The following COL6A6 variants were observed in gnomAD, a reference collection of about 807,000 sequenced individuals.
COL6A6 encodes the protein collagen type VI alpha 6 chain, also known as collagen alpha-6(VI) chain.
COL6A6 carries 183 observed loss-of-function variants against 208.6 expected under a neutral mutation model. The ratio of observed to expected loss-of-function variants is 0.88; its 90% CI spans 0.78 to 0.99. The LOEUF (loss-of-function observed/expected upper bound fraction) is 0.99, where lower values mean the gene tolerates loss of function less well. COL6A6 is among the 50% of genes least tolerant of loss of function. COL6A6 has a pLI of 0.00. For missense variants in COL6A6, 2,816 were observed against 2,815.2 expected, an observed-to-expected ratio of 1.00 and a Z score of -0.01; for synonymous variants, 973 against 1,011.8, an observed-to-expected ratio of 0.96 and a Z score of 0.73.
chr3:130,620,787 A>G (rs1052693876), intron 23 of COL6A6, among the ~76,000 whole-genome samples: 9 of 152,216 alleles, frequency 5.9e-5, no homozygotes, highest in African/African-American at 2.2e-4. Context: ...ATAAATTTGC[A>G]AGTGTCATGC....
rs750673214 is a variant in COL6A6 at position 130,658,755 on chromosome 3, G to A, written c.5813G>A (p.Arg1938Gln). 8.1e-6 allele frequency: 13 copies of A among 1,611,638 alleles called. No individual in the cohort carries two copies. The highest frequency in any genetic ancestry group is 5.0e-5 in the Admixed American group (3 of 59,834). Reference sequence around the variant, plus strand: ...ATACCAGCATTAGAGAGACTCCAGCGGTGCACTTTCTGCTATGGTAAGACC... The same window carrying A: ...ATACCAGCATTAGAGAGACTCCAGCAGTGCACTTTCTGCTATGGTAAGACC... ...DYIPALERLQ[R>Q]CTFCYDVCKP... The change falls in exon 34 of 37, where the codon CGG becomes CAG. Residue 1938 changes from arginine (R) to glutamine (Q), a missense_variant. Arg to Gln is a conservative substitution (Grantham distance 43, BLOSUM62 1). Transcript: ENST00000358511.
chr3:130,622,285 C>T (rs1208254127), intron 24 of COL6A6, among the ~76,000 whole-genome samples: 4 of 144,398 alleles, frequency 2.8e-5, no homozygotes, highest in African/African-American at 5.1e-5. Flanking sequence ...CTGTACTGAG[C>T]GTTCGGTTGG....
At chr3:130,593,995 A>G (rs2063784589) in intron 17 of COL6A6, among the ~76,000 whole-genome samples, 1 of 152,216 alleles carries the variant, frequency 6.6e-6, no homozygotes, top group Non-Finnish European at 1.5e-5. Context: ...GCCTTATAAA[A>G]GAAAGATAAT....
chr3:130,545,563 C>T lies in COL6A6; in HGVS notation c.-31-14771C>T, dbSNP rs2062475062. Among the ~76,000 whole-genome samples the T allele has an allele frequency of 2.6e-5, 4 of 151,802 alleles. No individual in the cohort carries two copies. In the South Asian group the frequency reaches 8.3e-4, roughly 32 times the overall value. On this transcript the variant is annotated intron_variant, in intron 1 of 36. Transcript: ENST00000358511. ...CCGCCTCCCGGATTCAAGTGATTCT[C>T]CTGCCTCAGCCTCCTGAGTAGCTGG...
At chr3:130,534,442 C>A (rs2107719854) in intron 1 of COL6A6, among the ~76,000 whole-genome samples, 1 of 152,206 alleles carries the variant, frequency 6.6e-6, no homozygotes, top group Admixed American at 6.5e-5. Flanking sequence ...CTTTTGTCAG[C>A]ACTAACATTT....
chr3:130,561,717 A>G (rs1344637848), intron 2 of COL6A6, among the ~76,000 whole-genome samples: 1 of 140,838 alleles, frequency 7.1e-6, no homozygotes, highest in Non-Finnish European at 1.5e-5. Context: ...CAGTGGCGCA[A>G]TCTCGGCTCA....
In COL6A6 at chr3:130,565,601, A is replaced by G. The variant is rs751941965; in HGVS notation, c.1269A>G (p.Glu423=). The G allele has an allele frequency of 6.2e-6, 10 of 1,611,912 alleles. No homozygotes were observed. The highest frequency in any genetic ancestry group is 8.5e-6 in the Non-Finnish European group (10 of 1,178,910). ...HTVSVFSERT[E]TLKSGCVDTE... ...TCTCTGTCTTTTCAGAGAGGACTGA[A>G]ACGCTCAAATCTGGTAAGGTCTTCT... Residue 423 remains glutamate (E), a synonymous_variant, in exon 4 of 37, where the codon GAA becomes GAG. Transcript: ENST00000358511.
At chr3:130,531,052 A>AGTCTCTCTCTCTCTCT (rs1559954808) in intron 1 of COL6A6, among the ~76,000 whole-genome samples, 1 of 86,072 alleles carries the variant, frequency 1.2e-5, no homozygotes, top group African/African-American at 4.7e-5. Flanking sequence ...ACACACACAC[A>AGTCTCTCTCTCTCTCT]CACACACAGT....
At chr3:130,674,787 A>G (rs977768761) in intron 36 of COL6A6, among the ~76,000 whole-genome samples, 3 of 152,214 alleles carry the variant, frequency 2.0e-5, no homozygotes, top group Non-Finnish European at 4.4e-5. Context: ...TTACAGGTAA[A>G]TAAAAGTTCA....
At chr3:130,617,922 A>T (rs1233817101) in intron 23 of COL6A6, among the ~76,000 whole-genome samples, 1 of 152,168 alleles carries the variant, frequency 6.6e-6, no homozygotes, top group African/African-American at 2.4e-5. Flanking sequence ...TGCTAAGCAC[A>T]ATTTTCAAAT....
intron 36 of COL6A6, among the ~76,000 whole-genome samples, chr3:130,674,365 A>G (rs1160768147): frequency 6.6e-6 from 1 of 152,142 alleles, no homozygotes; most frequent in African/African-American, 2.4e-5. Context: ...GACAGGCTCT[A>G]AGTTCTACTT....
chr3:130,665,489 C>G lies in COL6A6; in HGVS notation c.6596+393C>G, dbSNP rs112336278. Among the ~76,000 whole-genome samples, 817 of 152,034 alleles carry G rather than the reference C, an allele frequency of 5.4e-3. 5 individuals carry two copies. Among genetic ancestry groups the G allele is most frequent in the African/African-American group, 0.018 (766 of 41,484 alleles). ...TATTAGCCTGGAGAAACTTGTTATGCCAGAAAGCAAGAAAATAATTAAAAA... is the reference window on the plus strand; with the variant it reads ...TATTAGCCTGGAGAAACTTGTTATGGCAGAAAGCAAGAAAATAATTAAAAA... On this transcript the variant is annotated intron_variant, in intron 36 of 36. Transcript: ENST00000358511.
rs182704079 is a variant in COL6A6, at chr3:130,594,832, G to T, written c.4533+489G>T. On this transcript the variant is annotated intron_variant, in intron 18 of 36. Coordinates refer to ENST00000358511, the MANE Select transcript of COL6A6 (RefSeq NM_001102608.3). Reference sequence around the variant, plus strand: ...AATCATGAAGAAAGAGCAAAAGGACGTCTTATATGGCAGCAGGCAAGAGAG... The same window carrying T: ...AATCATGAAGAAAGAGCAAAAGGACTTCTTATATGGCAGCAGGCAAGAGAG... Among the ~76,000 whole-genome samples, 315 of 152,278 alleles carry T rather than the reference G, an allele frequency of 2.1e-3. 1 individual carries two copies. Among genetic ancestry groups the T allele is most frequent in the Non-Finnish European group, 3.3e-3 (226 of 68,026 alleles).
intron 1 of COL6A6, among the ~76,000 whole-genome samples, chr3:130,529,136 T>G (rs2062025785): frequency 6.6e-6 from 1 of 152,098 alleles, no homozygotes; most frequent in South Asian, 2.1e-4. Context: ...CAATCTCATT[T>G]GATAGCCCCT....
At chr3:130,539,491 G>A (rs1200570870) in intron 1 of COL6A6, among the ~76,000 whole-genome samples, 2 of 152,128 alleles carry the variant, frequency 1.3e-5, no homozygotes, top group Non-Finnish European at 1.5e-5. Context: ...AAAATTAGCC[G>A]GGTGTGGTGG....
At chr3:130,522,063 A>C (rs1559943742) in intron 1 of COL6A6, among the ~76,000 whole-genome samples, 2 of 152,196 alleles carry the variant, frequency 1.3e-5, no homozygotes, top group Non-Finnish European at 2.9e-5. Flanking sequence ...TGGCTATTTC[A>C]GTAAATGCAG....
chr3:130,579,569 C>T (rs1174514836), intron 8 of COL6A6, among the ~76,000 whole-genome samples: 1 of 152,206 alleles, frequency 6.6e-6, no homozygotes, highest in Non-Finnish European at 1.5e-5. Flanking sequence ...GCCAGTCCTG[C>T]CAATTACCTT....
intron 32 of COL6A6, among the ~76,000 whole-genome samples, chr3:130,645,208 C>T (rs1259304864): frequency 6.8e-6 from 1 of 147,908 alleles, no homozygotes; most frequent in Non-Finnish European, 1.5e-5. Flanking sequence ...CTCAACCAAG[C>T]GATTTGCTTT....
At chr3:130,626,337 T>G (rs1030311259) in intron 24 of COL6A6, 148 bp from the exon 25 acceptor site, 1 of 644,554 alleles carries the variant, frequency 1.6e-6, no homozygotes, top group Non-Finnish European at 2.9e-6. Flanking sequence ...GACACCTCCC[T>G]GGCCAACAAC....
Sources: allele counts gnomAD v4.1 joint callset (sites outside exome capture counted in the v4.1 genomes callset), GRCh38; gene constraint gnomAD v4.1.1; transcripts MANE v1.5; gene names NCBI Gene and HGNC (gene_info 2026-07-23, HGNC 2026-07-21).